Variants in TLE4 observed in about 807,000 individuals in gnomAD.
TLE4 encodes TLE family member 4, transcriptional corepressor.
A neutral mutation model predicts 92.8 loss-of-function variants in TLE4; 8 were observed. The observed-to-expected ratio is 0.09, with a 90% CI of 0.05 to 0.16. The LOEUF is 0.16. Among genes scored for constraint, TLE4 ranks in the 10% least tolerant of loss-of-function variants. TLE4 has a pLI of 1.00. For missense variants in TLE4, 675 were observed against 997.6 expected (o/e 0.68, Z 4.36); for synonymous variants, 371 against 374.1 (o/e 0.99, Z 0.10).
chr9:79,720,479 T>C (rs900491510), intron 16 of TLE4, among the ~76,000 whole-genome samples, 186 bp downstream of exon 16: 1 of 151,830 alleles, frequency 6.6e-6, no homozygotes, highest in African/African-American at 2.4e-5. Context: ...CATTTTAAGA[T>C]GTTAAAAATA....
At chr9:79,690,224 T>C (rs2066763434) in intron 8 of TLE4, among the ~76,000 whole-genome samples, 1 of 152,162 alleles carries the variant, frequency 6.6e-6, no homozygotes, top group African/African-American at 2.4e-5. Context: ...CTAGTAATGC[T>C]AATTCTTCCC....
intron 8 of TLE4, among the ~76,000 whole-genome samples, chr9:79,660,152 A>G (rs971126589): frequency 2.6e-5 from 4 of 152,196 alleles, no homozygotes; most frequent in African/African-American, 9.6e-5. Flanking sequence ...TTCTGTAGGA[A>G]GGCTATGCCA....
chr9:79,595,442 T>C (rs1039558378), intron 4 of TLE4, among the ~76,000 whole-genome samples: 2 of 152,160 alleles, frequency 1.3e-5, no homozygotes, highest in African/African-American at 4.8e-5. Context: ...AACAAAAAAC[T>C]CCATTGAACT....
chr9:79,576,101 C>T, intron 3 of TLE4, 32 bp from the exon 4 acceptor site: 1 of 1,422,410 alleles, frequency 7.0e-7, no homozygotes, highest in Non-Finnish European at 9.4e-7. Flanking sequence ...TGATGAAAGT[C>T]ATGCATTTAA....
chr9:79,705,776 T>C (rs1346238347), intron 9 of TLE4, 113 bp from the exon 10 acceptor site: 2 of 1,040,874 alleles, frequency 1.9e-6, no homozygotes, highest in East Asian at 2.4e-5. Context: ...TATTTAACAC[T>C]GTTTGGTACA....
chr9:79,640,996 A>C (rs983471589), intron 6 of TLE4, among the ~76,000 whole-genome samples: 1 of 152,042 alleles, frequency 6.6e-6, no homozygotes, highest in African/African-American at 2.4e-5. Context: ...AGTGGGGAGA[A>C]AGATGGAAGC....
At chr9:79,707,914 T>G (rs941912816) in intron 11 of TLE4, among the ~76,000 whole-genome samples, 3 of 152,222 alleles carry the variant, frequency 2.0e-5, no homozygotes, top group Non-Finnish European at 4.4e-5. Flanking sequence ...CAGCTTCAGT[T>G]TATGTCTTCC....
chr9:79,700,099 G>A (rs2069376823), intron 8 of TLE4, among the ~76,000 whole-genome samples: 1 of 152,190 alleles, frequency 6.6e-6, no homozygotes, highest in Non-Finnish European at 1.5e-5. Context: ...TAGGCTATGT[G>A]CCTGGGACTG....
intron 8 of TLE4, among the ~76,000 whole-genome samples, chr9:79,673,380 T>C (rs2062736927): frequency 6.6e-6 from 1 of 152,202 alleles, no homozygotes; most frequent in East Asian, 1.9e-4. Context: ...TAAAACAATA[T>C]TGAATGTAAC....
At chr9:79,607,739 TCTGTTTTGGTACCAGTACCATG>T (rs59080230) in intron 4 of TLE4, among the ~76,000 whole-genome samples, 16,751 of 151,790 alleles carry the variant, frequency 0.11, 1,079 homozygotes, top group African/African-American at 0.16. Flanking sequence ...GGTCTATATC[TCTGTTTTGGTACCAGTACCATG>T]CTGTTTTGGT....
At chr9:79,700,714 C>T (rs146066742) in intron 8 of TLE4, among the ~76,000 whole-genome samples, 12 of 152,196 alleles carry the variant, frequency 7.9e-5, no homozygotes, top group Middle Eastern at 3.4e-3. Context: ...TTTTAAATAT[C>T]CCAGCATAAG....
rs1003710795 is a variant in TLE4, at chr9:79,572,723, C to G, written c.-68C>G. The G allele has an allele frequency of 1.3e-6, 2 of 1,544,020 alleles. No homozygotes were observed. The highest frequency in any genetic ancestry group is 1.4e-5 in the African/African-American group (1 of 70,268). ...CCGCCTCCGCTGCCGCGGCCGCCTC[C>G]TCTTCGGGGTCATTAAAGCCAATGA... On this transcript the variant is annotated 5_prime_UTR_variant, in exon 1 of 20. Coordinates refer to ENST00000376552, the MANE Select transcript of TLE4 (RefSeq NM_007005.6).
chr9:79,641,064 A>G (rs2057035628), intron 6 of TLE4, among the ~76,000 whole-genome samples: 2 of 151,674 alleles, frequency 1.3e-5, no homozygotes, highest in Non-Finnish European at 2.9e-5. Context: ...TTGGATACAT[A>G]CATGTCACCA....
chr9:79,665,561 C>T (rs566483583), intron 8 of TLE4, among the ~76,000 whole-genome samples: 84 of 152,170 alleles, frequency 5.5e-4, no homozygotes, highest in Non-Finnish European at 1.1e-3. Context: ...GGAAGCTGCC[C>T]GGGCTGATGT....
intron 4 of TLE4, among the ~76,000 whole-genome samples, chr9:79,588,135 C>CGTGTGTGTGTGTGTGTGTGTGTGTGTGT (rs71364418): frequency 8.9e-5 from 13 of 146,716 alleles, no homozygotes; most frequent in Admixed American, 1.4e-4. Context: ...TTTATCCTTG[C>CGTGTGTGTGTGTGTGTGTGTGTGTGTGT]GTGTGTGTGT....
At chr9:79,679,582 T>C (rs368610003) in intron 8 of TLE4, among the ~76,000 whole-genome samples, 71 of 152,322 alleles carry the variant, frequency 4.7e-4, no homozygotes, top group Admixed American at 1.6e-3. Flanking sequence ...TTCACTCTGA[T>C]GGTAGTTTCT....
intron 8 of TLE4, among the ~76,000 whole-genome samples, chr9:79,701,893 C>G (rs144981128): frequency 4.8e-4 from 73 of 152,264 alleles, no homozygotes; most frequent in African/African-American, 1.7e-3. Flanking sequence ...TGGGAAGTGG[C>G]CTTGTAAACA....
chr9:79,679,622 T>G (rs899503709), intron 8 of TLE4, among the ~76,000 whole-genome samples: 4 of 152,216 alleles, frequency 2.6e-5, no homozygotes, highest in African/African-American at 4.8e-5. Context: ...TTAGTTTAAT[T>G]AGATCCCATT....
At chr9:79,687,444 A>G (rs554789911) in intron 8 of TLE4, among the ~76,000 whole-genome samples, 2 of 152,308 alleles carry the variant, frequency 1.3e-5, no homozygotes, top group East Asian at 1.9e-4. Flanking sequence ...TTCCTTCTCT[A>G]ATCTTTTCAG....
Sources: allele counts gnomAD v4.1 joint callset (sites outside exome capture counted in the v4.1 genomes callset), GRCh38; gene constraint gnomAD v4.1.1; transcripts MANE v1.5; gene names NCBI Gene and HGNC (gene_info 2026-07-23, HGNC 2026-07-21).